Variants in DTNA observed in about 807,000 individuals in gnomAD.
The protein encoded by DTNA is dystrophin-related protein 3.
Under a neutral mutation model 100.7 loss-of-function variants are expected in DTNA, and 43 were observed. The ratio of observed to expected loss-of-function variants is 0.43; its 90% CI spans 0.33 to 0.55. The LOEUF (loss-of-function observed/expected upper bound fraction) is 0.55, where lower values mean the gene tolerates loss of function less well. DTNA is among the 20% of genes least tolerant of loss of function. The pLI is 0.04. For missense variants in DTNA, 798 were observed against 953.9 expected, an observed-to-expected ratio of 0.84 and a Z score of 2.15; for synonymous variants, 349 against 347.9, an observed-to-expected ratio of 1.00 and a Z score of -0.04.
At chr18:34,847,278 A>G (rs1326166515) in intron 13 of DTNA, among the ~76,000 whole-genome samples, 1 of 152,126 alleles carries the variant, frequency 6.6e-6, no homozygotes, top group Non-Finnish European at 1.5e-5. Context: ...CTGTAAATTT[A>G]TAGGAGGCAC....
intron 1 of DTNA, among the ~76,000 whole-genome samples, chr18:34,611,715 G>A (rs1415860203): frequency 6.6e-6 from 1 of 152,150 alleles, no homozygotes; most frequent in Non-Finnish European, 1.5e-5. Context: ...CTTGGTTTGG[G>A]GACCTGGTTC....
intron 1 of DTNA, among the ~76,000 whole-genome samples, chr18:34,605,134 G>A (rs992085074): frequency 6.6e-5 from 10 of 151,342 alleles, no homozygotes; most frequent in African/African-American, 2.4e-4. Context: ...AAAAAATCTG[G>A]GTAAGAAATT....
At chr18:34,771,248 C>T (rs2093752319) in intron 3 of DTNA, among the ~76,000 whole-genome samples, 2 of 152,108 alleles carry the variant, frequency 1.3e-5, no homozygotes, top group South Asian at 4.1e-4. Flanking sequence ...ACCTGTATTC[C>T]CAGCACTTTG....
In DTNA at chr18:34,550,785, T is replaced by C. The variant is rs138706284; in HGVS notation, c.-2+57271T>C. ...TAAGAGACAGTAGAACTCCAAATAG[T>C]CTGGATGTTATATTTCTAATCAAAA... On this transcript the variant is annotated intron_variant, in intron 1 of 19. Transcript: ENST00000283365. Among the ~76,000 whole-genome samples, 773 of 152,278 alleles carry C rather than the reference T, an allele frequency of 5.1e-3. 7 individuals are homozygous for C. Among genetic ancestry groups the C allele is most frequent in the African/African-American group, 0.017 (726 of 41,566 alleles).
intron 1 of DTNA, among the ~76,000 whole-genome samples, chr18:34,640,903 C>CA (rs1363932211): frequency 1.3e-5 from 2 of 152,134 alleles, no homozygotes; most frequent in East Asian, 3.9e-4. Flanking sequence ...GACTAATTGG[C>CA]AGTGGCGGAT....
chr18:34,779,788 G>A (rs1029534792), intron 3 of DTNA, among the ~76,000 whole-genome samples: 1 of 152,130 alleles, frequency 6.6e-6, no homozygotes, highest in African/African-American at 2.4e-5. Context: ...AACTGGGGCA[G>A]CATAAGAAAA....
chr18:34,849,690 A>G (rs779247303), intron 14 of DTNA, among the ~76,000 whole-genome samples: 1 of 152,254 alleles, frequency 6.6e-6, no homozygotes, highest in Non-Finnish European at 1.5e-5. Flanking sequence ...CAGGACTTAC[A>G]AATCAGATGG....
chr18:34,629,525 C>G (rs1196601931), intron 1 of DTNA, among the ~76,000 whole-genome samples: 1 of 152,188 alleles, frequency 6.6e-6, no homozygotes, highest in Non-Finnish European at 1.5e-5. Flanking sequence ...CAGGAATTCA[C>G]TCAACATGCT....
intron 1 of DTNA, among the ~76,000 whole-genome samples, chr18:34,556,202 T>C (rs2046024410): frequency 6.6e-6 from 1 of 151,496 alleles, no homozygotes; most frequent in Non-Finnish European, 1.5e-5. Context: ...CCCCTGCCTT[T>C]TTTTGTTTTC....
intron 1 of DTNA, among the ~76,000 whole-genome samples, chr18:34,613,027 GTCTA>G (rs2054541835): frequency 6.6e-6 from 1 of 152,124 alleles, no homozygotes; most frequent in African/African-American, 2.4e-5. Context: ...CCTCAAGCAA[GTCTA>G]TCTGCCATTT....
chr18:34,841,627 G>T (rs1379884318), intron 13 of DTNA, among the ~76,000 whole-genome samples: 1 of 152,114 alleles, frequency 6.6e-6, no homozygotes, highest in African/African-American at 2.4e-5. Context: ...GTCCTAGAAG[G>T]TTGGATATGA....
At chr18:34,670,623 T>C (rs138688340) in intron 1 of DTNA, among the ~76,000 whole-genome samples, 5,276 of 152,308 alleles carry the variant, frequency 0.035, 286 homozygotes, top group African/African-American at 0.12. Context: ...TTTCTGTTTG[T>C]TAGTTATCGT....
intron 4 of DTNA, among the ~76,000 whole-genome samples, chr18:34,801,913 A>G (rs1465018092): frequency 6.6e-6 from 1 of 152,230 alleles, no homozygotes; most frequent in African/African-American, 2.4e-5. Flanking sequence ...GCCTTAATTC[A>G]CAAAGAAAGA....
chr18:34,862,516 A>C (rs1164929751), intron 16 of DTNA, among the ~76,000 whole-genome samples: 2 of 152,060 alleles, frequency 1.3e-5, no homozygotes, highest in Non-Finnish European at 2.9e-5. Flanking sequence ...TTATAGAAGA[A>C]GCCTATAAGA....
intron 1 of DTNA, among the ~76,000 whole-genome samples, chr18:34,529,154 A>G (rs1388528895): frequency 1.3e-5 from 2 of 152,272 alleles, no homozygotes; most frequent in Non-Finnish European, 2.9e-5. Context: ...TGTTTGAGCA[A>G]CGGAACCCAT....
intron 1 of DTNA, among the ~76,000 whole-genome samples, chr18:34,689,110 G>A (rs1406579068): frequency 6.6e-6 from 1 of 152,008 alleles, no homozygotes; most frequent in African/African-American, 2.4e-5. Context: ...CCTCAGAGGA[G>A]TTTGTTATTA....
chr18:34,848,032 T>G (rs1204308008), intron 13 of DTNA, among the ~76,000 whole-genome samples: 1 of 152,232 alleles, frequency 6.6e-6, no homozygotes, highest in Non-Finnish European at 1.5e-5. Context: ...TCAGATGTAT[T>G]GATCAGAATA....
intron 1 of DTNA, among the ~76,000 whole-genome samples, chr18:34,651,883 G>C (rs2060484755): frequency 6.6e-6 from 1 of 152,046 alleles, no homozygotes; most frequent in South Asian, 2.1e-4. Flanking sequence ...GAGGAACACA[G>C]AGAGACCCTG....
intron 3 of DTNA, among the ~76,000 whole-genome samples, chr18:34,789,427 ATGG>A (rs2094623518): frequency 6.6e-6 from 1 of 152,234 alleles, no homozygotes; most frequent in Non-Finnish European, 1.5e-5. Flanking sequence ...TATTGTAGTT[ATGG>A]TGCTCCTGCA....
Sources: gnomAD v4.1 joint callset for allele counts (sites outside exome capture counted in the v4.1 genomes callset) on GRCh38, gnomAD v4.1.1 for gene constraint, MANE v1.5 for transcripts, NCBI Gene and HGNC (gene_info 2026-07-23, HGNC 2026-07-21) for gene names.